HMCN1: variants seen among roughly 807,000 people sequenced by gnomAD.
HMCN1 encodes hemicentin 1.
HMCN1 carries 321 observed loss-of-function variants against 625.9 expected under a neutral mutation model. The observed-to-expected ratio is 0.51, with a 90% confidence interval of 0.47 to 0.56. HMCN1 has a LOEUF of 0.56. Ranked by LOEUF, HMCN1 falls within the 20% of genes least tolerant of loss-of-function variation. The pLI, the probability that HMCN1 is intolerant of heterozygous loss-of-function variation, is 0.00. For synonymous variants in HMCN1, 2,425 were observed against 2,417.6 expected (o/e 1.00, Z -0.09); for missense variants, 6,588 against 6,887.3 (o/e 0.96, Z 1.54).
chr1:185,961,238 G>C (rs193113000), intron 11 of HMCN1, among the ~76,000 whole-genome samples: 20 of 152,306 alleles, frequency 1.3e-4, no homozygotes, highest in African/African-American at 4.8e-4. Flanking sequence ...CACATGTATA[G>C]ATTCCCCAAG....
chr1:186,153,027 C>T (rs1650774080), intron 96 of HMCN1, among the ~76,000 whole-genome samples, 156 bp downstream of exon 96: 1 of 152,200 alleles, frequency 6.6e-6, no homozygotes, highest in Admixed American at 6.5e-5. Context: ...TAAAAATCTT[C>T]AGGGACAAGT....
intron 86 of HMCN1, among the ~76,000 whole-genome samples, chr1:186,133,625 A>G (rs1662063562): frequency 6.6e-6 from 1 of 152,188 alleles, no homozygotes; most frequent in Non-Finnish European, 1.5e-5. Context: ...CATTTTCTTC[A>G]TCACTATTGA....
In HMCN1 at chr1:186,038,046, T is replaced by A; in HGVS notation, c.5851+11T>A. 6.6e-7 allele frequency: 1 copy of A among 1,509,610 alleles called. No homozygotes were observed. The highest frequency in any genetic ancestry group is 2.3e-5 in the East Asian group (1 of 44,290). 93.5% of individuals were successfully genotyped at this position (1,509,610 alleles called of 1,614,324 possible). On this transcript the variant is annotated intron_variant, in intron 37 of 106. Coordinates refer to ENST00000271588, the MANE Select transcript of HMCN1 (RefSeq NM_031935.3). ...GAAATCCTGTGCCTGGTACATTTAC[T>A]TTTGAACTCTGTAACTTAATATTTT...
Position 186,158,618 on chromosome 1 carries a change from T to A in HMCN1, c.15256+4631T>A, listed in dbSNP as rs537706494. Among the ~76,000 whole-genome samples the A allele has an allele frequency of 1.7e-4, 26 of 152,236 alleles. No homozygotes were observed. In the South Asian group the frequency reaches 5.4e-3, roughly 32 times the overall value. ...ATCTTGAATTGATTTTTGTATAAGG[T>A]GTAAGGAAGGGATCCAGTTTCAGCT... On this transcript the variant is annotated intron_variant, in intron 97 of 106. Transcript: ENST00000271588.
In HMCN1 at chr1:186,061,899, A is replaced by G. The variant is rs1282622936; in HGVS notation, c.7361A>G (p.Gln2454Arg). 3 of 1,613,262 alleles carry G rather than the reference A, an allele frequency of 1.9e-6. No individual in the cohort carries two copies. Among genetic ancestry groups the G allele is most frequent in the South Asian group, 1.1e-5 (1 of 91,036 alleles). ...CAGACCACAATGGAAGATGCTGGCC[A>G]ATATACTTGCGTTGTAAGGAATGCA... ...LMQTTMEDAG[Q>R]YTCVVRNAAG... The change falls in exon 47 of 107, where the codon CAA (glutamine) becomes CGA (arginine). Residue 2454 changes from glutamine to arginine, a missense_variant. Gln to Arg is a conservative substitution (Grantham distance 43). This residue lies in a region of HMCN1 where 4,628 missense variants were observed against 4,853.1 expected (regional missense o/e 0.95). Transcript: ENST00000271588.
At chr1:185,795,844 T>C (rs2102211827) in intron 1 of HMCN1, among the ~76,000 whole-genome samples, 1 of 152,338 alleles carries the variant, frequency 6.6e-6, no homozygotes, top group South Asian at 2.1e-4. Flanking sequence ...CACTCTTATG[T>C]CACAAGGTCT....
intron 47 of HMCN1, 111 bp from the exon 48 acceptor site, chr1:186,062,403 T>C (rs1657762933): frequency 2.8e-6 from 2 of 714,180 alleles, no homozygotes; most frequent in African/African-American, 1.8e-5. Context: ...TGAATGTGGA[T>C]TGGGGGATTT....
chr1:185,744,795 G>C (rs904966452), intron 1 of HMCN1, among the ~76,000 whole-genome samples: 2 of 152,168 alleles, frequency 1.3e-5, no homozygotes, highest in Admixed American at 1.3e-4. Flanking sequence ...ACATTGAGGA[G>C]TTTGGATTTC....
At chr1:186,050,334 A>G (rs1656867072) in intron 42 of HMCN1, among the ~76,000 whole-genome samples, 1 of 151,930 alleles carries the variant, frequency 6.6e-6, no homozygotes, top group Non-Finnish European at 1.5e-5. Context: ...AGAGTTAAAA[A>G]CATAAGGTTG....
intron 1 of HMCN1, among the ~76,000 whole-genome samples, chr1:185,832,379 A>G (rs1323160500): frequency 6.6e-6 from 1 of 152,182 alleles, no homozygotes; most frequent in African/African-American, 2.4e-5. Flanking sequence ...GGGAGTAATG[A>G]TGTGGGACTA....
At chr1:186,102,418 C>CACTGTAGT (rs1228260043) in intron 68 of HMCN1, among the ~76,000 whole-genome samples, 2 of 152,028 alleles carry the variant, frequency 1.3e-5, no homozygotes, top group Non-Finnish European at 1.5e-5. Context: ...TTGCAGTAAA[C>CACTGTAGT]ACTGTAGTAG....
At chr1:185,748,034 A>ATTTTTTTT (rs36021341) in intron 1 of HMCN1, among the ~76,000 whole-genome samples, 1 of 118,152 alleles carries the variant, frequency 8.5e-6, no homozygotes, top group African/African-American at 3.3e-5. Flanking sequence ...GGTACTTAAA[A>ATTTTTTTT]TTTTTTTTTT....
chr1:185,758,368 G>C (rs1021250561), intron 1 of HMCN1, among the ~76,000 whole-genome samples: 1 of 152,202 alleles, frequency 6.6e-6, no homozygotes, highest in African/African-American at 2.4e-5. Context: ...AGGTGTGGTG[G>C]CTCATACCTG....
chr1:186,130,092 A>G lies in HMCN1; in HGVS notation c.13031A>G (p.Tyr4344Cys). 2 of 1,613,116 alleles carry G rather than the reference A, an allele frequency of 1.2e-6. No individual in the cohort carries two copies. The highest frequency in any genetic ancestry group is 1.1e-5 in the South Asian group (1 of 91,084). Reference sequence around the variant, plus strand: ...TTTGTGAAGGCAATTGGATTTGTTTATGTGAAAGGTAGGGAAAAGCGCTCC... The same window carrying G: ...TTTGTGAAGGCAATTGGATTTGTTTGTGTGAAAGGTAGGGAAAAGCGCTCC... The part of the protein sequence containing the change: ...VGFVKAIGFV[Y>C]VKEPPVFKGD... The change falls in exon 84 of 107, where the codon TAT (tyrosine) becomes TGT (cysteine). Residue 4344 changes from tyrosine (Y) to cysteine (C), a missense_variant. This residue lies in a region of HMCN1 where 1,954 missense variants were observed against 2,013.1 expected (regional missense o/e 0.97). Transcript: ENST00000271588.
In HMCN1 at chr1:185,911,793, C is replaced by A; in HGVS notation, c.900+13C>A. On this transcript the variant is annotated intron_variant, in intron 6 of 106. Coordinates refer to ENST00000271588, the MANE Select transcript of HMCN1 (RefSeq NM_031935.3). ...GTGGACAGTGAAGGTACGGTTGTTT[C>A]ACAAAGTTTGTTTATTGTTTTATTT... The A allele has an allele frequency of 1.9e-6, 3 of 1,581,014 alleles. No homozygotes were observed. Among genetic ancestry groups the A allele is most frequent in the Non-Finnish European group, 2.6e-6 (3 of 1,150,136 alleles).
chr1:185,789,780 T>C (rs1339657591), intron 1 of HMCN1, among the ~76,000 whole-genome samples: 1 of 152,206 alleles, frequency 6.6e-6, no homozygotes, highest in Non-Finnish European at 1.5e-5. Flanking sequence ...TTTTATTATC[T>C]CTTAGATACT....
At chr1:185,864,376 G>T (rs1663049822) in intron 2 of HMCN1, 94 bp from the exon 3 acceptor site, 3 of 1,175,012 alleles carry the variant, frequency 2.6e-6, no homozygotes, top group South Asian at 1.2e-5. Context: ...AGGAAAACTT[G>T]CTCGTTCTAA....
rs758779091 is a variant in HMCN1, at chr1:185,923,689, C to T, written c.1285+36C>T. 4.6e-6 allele frequency: 7 copies of T among 1,537,602 alleles called. No homozygotes were observed. The East Asian group carries it at 1.6e-4, about 35-fold the overall frequency. ...ATTTTATTCAACATTGAAATATTGA[C>T]AGTTTAAGAGGGTGATGTTGTCCCA... On this transcript the variant is annotated intron_variant, in intron 8 of 106. Coordinates refer to ENST00000271588, the MANE Select transcript of HMCN1 (RefSeq NM_031935.3).
intron 62 of HMCN1, 24 bp downstream of exon 62, chr1:186,088,300 G>T: frequency 6.2e-7 from 1 of 1,611,724 alleles, no homozygotes. Flanking sequence ...GCATTTTTGT[G>T]TGTGTGTGTG....
Sources: allele counts gnomAD v4.1 joint callset (sites outside exome capture counted in the v4.1 genomes callset), GRCh38; gene constraint gnomAD v4.1.1; regional missense constraint gnomAD v4.1.1; transcripts MANE v1.5; gene names NCBI Gene and HGNC (gene_info 2026-07-23, HGNC 2026-07-21).